Variants in GSE1 observed in about 807,000 individuals in gnomAD.
GSE1 encodes the protein genetic suppressor element 1.
GSE1 carries 32 observed loss-of-function variants against 112.6 expected under a neutral mutation model. The observed-to-expected ratio is 0.28, with a 90% CI of 0.21 to 0.38. The LOEUF is 0.38. Ranked by LOEUF, GSE1 falls within the 10% of genes least tolerant of loss-of-function variation. The pLI, the probability that GSE1 is intolerant of heterozygous loss-of-function variation, is 1.00. For synonymous variants in GSE1, 1,115 were observed against 735.6 expected, an observed-to-expected ratio of 1.52 and a Z score of -8.35; for missense variants, 2,348 against 1,699.2, an observed-to-expected ratio of 1.38 and a Z score of -6.71.
intron 2 of GSE1, among the ~76,000 whole-genome samples, chr16:85,520,246 A>G (rs1236842197): frequency 6.6e-6 from 1 of 151,936 alleles, no homozygotes; most frequent in Non-Finnish European, 1.5e-5. Context: ...GCTTAATCCC[A>G]TCGTGAGGGC....
chr16:85,173,591 G>A (rs1234657848), intron 1 of GSE1, among the ~76,000 whole-genome samples: 1 of 152,196 alleles, frequency 6.6e-6, no homozygotes, highest in Non-Finnish European at 1.5e-5. Flanking sequence ...ATACCTGGCA[G>A]TGGTGTTTCA....
chr16:85,641,760 G>T (rs1025947950), intron 2 of GSE1, among the ~76,000 whole-genome samples: 5 of 152,252 alleles, frequency 3.3e-5, no homozygotes, highest in African/African-American at 1.2e-4. Context: ...GTTCCACTGG[G>T]CAGATTTCAA....
At chr16:85,189,881 T>C (rs1209906951) in intron 1 of GSE1, among the ~76,000 whole-genome samples, 1 of 152,248 alleles carries the variant, frequency 6.6e-6, no homozygotes, top group Admixed American at 6.5e-5. Flanking sequence ...TCATTCCTGA[T>C]ATTGGTGCCT....
At chr16:85,296,236 C>G (rs2045362989) in intron 1 of GSE1, among the ~76,000 whole-genome samples, 1 of 152,182 alleles carries the variant, frequency 6.6e-6, no homozygotes, top group Non-Finnish European at 1.5e-5. Flanking sequence ...CAGTCTCTAA[C>G]CACCTCCCAC....
intron 2 of GSE1, among the ~76,000 whole-genome samples, chr16:85,548,282 T>G (rs961128340): frequency 6.7e-6 from 1 of 149,932 alleles, no homozygotes; most frequent in Admixed American, 6.6e-5. Context: ...ATTCGAATTA[T>G]TCTAGCTATT....
intron 1 of GSE1, among the ~76,000 whole-genome samples, chr16:85,186,321 T>C (rs981793656): frequency 2.0e-5 from 3 of 151,854 alleles, no homozygotes; most frequent in Non-Finnish European, 4.4e-5. Flanking sequence ...AATTAAAAAA[T>C]TGTCCGGGTG....
intron 2 of GSE1, among the ~76,000 whole-genome samples, chr16:85,380,046 A>C (rs1400478240): frequency 6.6e-6 from 1 of 152,242 alleles, no homozygotes; most frequent in Non-Finnish European, 1.5e-5. Context: ...TGGGAAGCCC[A>C]AGCATTGCCA....
intron 1 of GSE1, among the ~76,000 whole-genome samples, chr16:85,245,991 T>TG (rs965535784): frequency 2.7e-5 from 4 of 145,864 alleles, no homozygotes; most frequent in African/African-American, 1.0e-4. Flanking sequence ...GGTGTGTTAG[T>TG]GGGGAGGCAA....
intron 2 of GSE1, among the ~76,000 whole-genome samples, chr16:85,411,909 CT>C (rs769167618): frequency 4.4e-3 from 77 of 17,450 alleles, no homozygotes; most frequent in Admixed American, 0.025. Flanking sequence ...CAGGCCCCCC[CT>C]GGATAATCCT....
At chr16:85,291,616 C>T (rs896792244) in intron 1 of GSE1, among the ~76,000 whole-genome samples, 2 of 152,190 alleles carry the variant, frequency 1.3e-5, no homozygotes, top group African/African-American at 4.8e-5. Flanking sequence ...GGCTGGGCCT[C>T]GTCCCCGCCC....
intron 2 of GSE1, among the ~76,000 whole-genome samples, chr16:85,389,825 G>C (rs936972520): frequency 2.0e-5 from 3 of 152,200 alleles, no homozygotes; most frequent in African/African-American, 4.8e-5. Context: ...CCATTTAATA[G>C]ATAAGCAAAC....
chr16:85,213,098 T>A (rs933556716), intron 1 of GSE1, among the ~76,000 whole-genome samples: 41 of 151,932 alleles, frequency 2.7e-4, no homozygotes, highest in African/African-American at 8.7e-4. Context: ...GTGAAACCCC[T>A]TCTCTACTAA....
chr16:85,436,076 G>A lies in GSE1; in HGVS notation c.2464+78433G>A, dbSNP rs532646468. On this transcript the variant is annotated intron_variant, in intron 2 of 2. Transcript: ENST00000637419. ...GCTTCTTTAAGCTGTCTGCATCATC[G>A]TACCCCCCAACCTCTACAGCCTTCC... 3.2e-4 allele frequency among the ~76,000 whole-genome samples: 48 copies of A among 152,244 alleles called. No homozygotes were observed. The South Asian group carries it at 9.3e-3, about 30-fold the overall frequency.
In GSE1 at chr16:85,661,178, G is replaced by T; in HGVS notation, c.1673G>T (p.Arg558Leu). ...CCAAACCGTCACGAGCCAGGTGGCC[G>T]TGACCCTCCGCAGCACTTTGGGGGG... Reference protein sequence around the residue: ...PGPNRHEPGGRDPPQHFGGPP... With the variant: ...PGPNRHEPGGLDPPQHFGGPP... Residue 558 changes from arginine to leucine, a missense_variant, in exon 9 of 16, where the codon CGT becomes CTT. Coordinates refer to ENST00000253458, the MANE Select transcript of GSE1 (RefSeq NM_014615.5). The T allele has an allele frequency of 1.3e-6, 2 of 1,596,964 alleles. No homozygotes were observed. The highest frequency in any genetic ancestry group is 1.7e-6 in the Non-Finnish European group (2 of 1,167,422).
intron 14 of GSE1, among the ~76,000 whole-genome samples, chr16:85,670,255 T>C (rs1567770146): frequency 1.3e-5 from 2 of 152,202 alleles, no homozygotes; most frequent in Non-Finnish European, 2.9e-5. Flanking sequence ...CCTTTTGAAT[T>C]TGTCTGATTG....
intron 1 of GSE1, among the ~76,000 whole-genome samples, chr16:85,562,442 T>C (rs543594162): frequency 2.0e-5 from 3 of 151,922 alleles, no homozygotes; most frequent in East Asian, 2.0e-4. Flanking sequence ...GAACCTGATA[T>C]AGTCCCGCTG....
intron 2 of GSE1, among the ~76,000 whole-genome samples, chr16:85,431,550 C>T (rs2049121531): frequency 6.6e-6 from 1 of 152,244 alleles, no homozygotes; most frequent in Non-Finnish European, 1.5e-5. Context: ...ATCCTTTGAG[C>T]ATCAGGGCTG....
At chr16:85,545,170 C>G (rs2044653912) in intron 2 of GSE1, among the ~76,000 whole-genome samples, 1 of 152,250 alleles carries the variant, frequency 6.6e-6, no homozygotes, top group Admixed American at 6.5e-5. Flanking sequence ...AGGGTCCCTT[C>G]ACAGGGATGA....
At chr16:85,339,737 T>C (rs1417124999) in intron 1 of GSE1, among the ~76,000 whole-genome samples, 1 of 152,238 alleles carries the variant, frequency 6.6e-6, no homozygotes, top group Non-Finnish European at 1.5e-5. Context: ...GTGAGAGTCT[T>C]AGACTCTGGA....
Sources: gnomAD v4.1 joint callset for allele counts (sites outside exome capture counted in the v4.1 genomes callset) on GRCh38, gnomAD v4.1.1 for gene constraint, MANE v1.5 for transcripts, NCBI Gene and HGNC (gene_info 2026-07-23, HGNC 2026-07-21) for gene names.